ZNF503: variants seen among roughly 807,000 people sequenced by gnomAD.
The protein encoded by ZNF503 is NocA-like zinc finger 2.
ZNF503 carries 15 observed loss-of-function variants against 34.4 expected under a neutral mutation model. The ratio of observed to expected loss-of-function variants is 0.44; its 90% CI spans 0.29 to 0.67. The LOEUF (loss-of-function observed/expected upper bound fraction) is 0.67, where lower values mean the gene tolerates loss of function less well. Ranked by LOEUF, ZNF503 falls within the 30% of genes least tolerant of loss-of-function variation. The probability of loss-of-function intolerance (pLI) is 0.13; values close to 1 mark genes in which losing one functional copy is unlikely to be tolerated. For missense variants in ZNF503, 1,007 were observed against 926.8 expected (o/e 1.09, Z -1.12); for synonymous variants, 580 against 456.8 (o/e 1.27, Z -3.44).
the ZNF503 span, among the ~76,000 whole-genome samples, chr10:75,283,634 C>A: frequency 2.0e-5 from 3 of 152,094 alleles, no homozygotes; most frequent in Non-Finnish European, 4.4e-5. Flanking sequence ...AAGCCAACCG[C>A]CCCCACCCCT....
the ZNF503 span, among the ~76,000 whole-genome samples, chr10:75,315,249 A>G: frequency 6.6e-6 from 1 of 152,138 alleles, no homozygotes; most frequent in African/African-American, 2.4e-5. Context: ...AATCCCAGCT[A>G]CTCAGGAGGC....
At chr10:75,397,539 C>G (rs1056869907), downstream of ZNF503, among the ~76,000 whole-genome samples, 45 of 152,360 alleles carry the variant, frequency 3.0e-4, no homozygotes, top group Admixed American at 7.8e-4. Context: ...CCCCACACCC[C>G]CTTTCACTTT....
the ZNF503 span, among the ~76,000 whole-genome samples, chr10:75,379,262 A>C: frequency 6.6e-6 from 1 of 152,166 alleles, no homozygotes; most frequent in South Asian, 2.1e-4. Flanking sequence ...ATTACCATAC[A>C]TCCTGGGAGC....
chr10:75,383,316 C>T, the ZNF503 span, among the ~76,000 whole-genome samples: 3 of 152,162 alleles, frequency 2.0e-5, no homozygotes, highest in South Asian at 6.2e-4. Flanking sequence ...TTCTAGGGTG[C>T]TCCTCAGCCC....
At chr10:75,380,062 G>A in the ZNF503 span, among the ~76,000 whole-genome samples, 1 of 152,172 alleles carries the variant, frequency 6.6e-6, no homozygotes, top group Non-Finnish European at 1.5e-5. Flanking sequence ...AACCAGACCT[G>A]CTCACTCTAT....
the ZNF503 span, among the ~76,000 whole-genome samples, chr10:75,319,193 T>C: frequency 6.6e-6 from 1 of 152,150 alleles, no homozygotes; most frequent in Non-Finnish European, 1.5e-5. Flanking sequence ...CTCAAACTCC[T>C]AGACTCAAGC....
At chr10:75,302,341 G>A in the ZNF503 span, among the ~76,000 whole-genome samples, 1 of 152,014 alleles carries the variant, frequency 6.6e-6, no homozygotes, top group Non-Finnish European at 1.5e-5. Flanking sequence ...GGATCTAGGT[G>A]TAGATCTCTT....
chr10:75,357,241 G>A, the ZNF503 span, among the ~76,000 whole-genome samples: 1 of 152,158 alleles, frequency 6.6e-6, no homozygotes, highest in East Asian at 1.9e-4. Flanking sequence ...AATAGGGCCG[G>A]GCACAGTAGC....
the ZNF503 span, among the ~76,000 whole-genome samples, chr10:75,387,388 C>G: frequency 6.6e-6 from 1 of 152,240 alleles, no homozygotes; most frequent in African/African-American, 2.4e-5. Context: ...TTTAACCTCT[C>G]TGAGTCTCAG....
the ZNF503 span, among the ~76,000 whole-genome samples, chr10:75,289,191 G>A: frequency 6.6e-6 from 1 of 152,184 alleles, no homozygotes; most frequent in Admixed American, 6.5e-5. Flanking sequence ...TAGGGGCAAG[G>A]CTTGGTTTTG....
chr10:75,298,908 C>T, the ZNF503 span: 1 of 150,662 alleles, frequency 6.6e-6, no homozygotes, highest in South Asian at 2.1e-4. Context: ...GCAGGCATGA[C>T]CTACCATGCT....
At chr10:75,376,818 G>A in the ZNF503 span, among the ~76,000 whole-genome samples, 18 of 152,024 alleles carry the variant, frequency 1.2e-4, no homozygotes, top group Admixed American at 1.2e-3. Flanking sequence ...TCAGGCGAAG[G>A]GGGAAGCTCC....
At chr10:75,325,199 T>G in the ZNF503 span, among the ~76,000 whole-genome samples, 2 of 152,338 alleles carry the variant, frequency 1.3e-5, no homozygotes, top group East Asian at 3.9e-4. Flanking sequence ...TGACTATCTT[T>G]TCTCCATTGA....
chr10:75,286,220 T>G, the ZNF503 span, among the ~76,000 whole-genome samples: 1 of 150,690 alleles, frequency 6.6e-6, no homozygotes, highest in Non-Finnish European at 1.5e-5. Flanking sequence ...GAGGCGGAGG[T>G]TGCAGTGAGC....
Position 75,398,528 on chromosome 10 carries a change from T to TA in ZNF503, c.*220dup, listed in dbSNP as rs1056400064. 3 of 401,916 alleles carry TA rather than the reference T, an allele frequency of 7.5e-6. No homozygotes were observed. The highest frequency in any genetic ancestry group is 6.2e-5 in the African/African-American group (3 of 48,618). 24.9% of individuals were successfully genotyped at this position (401,916 alleles called of 1,614,324 possible). A position where few individuals can be genotyped will look rare whatever the true frequency, so the allele number is the denominator to read the frequency against. Reference sequence around the variant, plus strand: ...TCAAATGATATTTTTTCAACTTTTATAAAGTTTGGGTGGGGAGGTGAAAGT... The same window carrying TA: ...TCAAATGATATTTTTTCAACTTTTATAAAAGTTTGGGTGGGGAGGTGAAAGT... On this transcript the variant is annotated 3_prime_UTR_variant, in exon 2 of 2. Coordinates refer to ENST00000372524, the MANE Select transcript of ZNF503 (RefSeq NM_032772.6).
the ZNF503 span, among the ~76,000 whole-genome samples, chr10:75,366,513 G>T: frequency 1.3e-5 from 2 of 152,232 alleles, no homozygotes; most frequent in Non-Finnish European, 2.9e-5. Flanking sequence ...GGGAACTTGG[G>T]TGCTTCACCC....
At chr10:75,389,353 C>T in the ZNF503 span, among the ~76,000 whole-genome samples, 1 of 152,176 alleles carries the variant, frequency 6.6e-6, no homozygotes, top group African/African-American at 2.4e-5. Flanking sequence ...TCCAAGTCCC[C>T]CTCTCCTCCC....
chr10:75,370,694 G>C, the ZNF503 span, among the ~76,000 whole-genome samples: 1 of 146,660 alleles, frequency 6.8e-6, no homozygotes, highest in Non-Finnish European at 1.5e-5. Flanking sequence ...CAGGAGAATC[G>C]CTTGAACCTG....
intron 1 of ZNF503, 35 bp downstream of exon 1, chr10:75,401,070 G>A (rs201609182): frequency 2.5e-6 from 4 of 1,613,308 alleles, no homozygotes; most frequent in Non-Finnish European, 3.4e-6. Flanking sequence ...AGCCAGGGTA[G>A]TGGTCCCAGT....
Sources: gnomAD v4.1 joint callset for allele counts (sites outside exome capture counted in the v4.1 genomes callset) on GRCh38, gnomAD v4.1.1 for gene constraint, MANE v1.5 for transcripts, NCBI Gene and HGNC (gene_info 2026-07-23, HGNC 2026-07-21) for gene names.